The following SHANK1 variants were observed in gnomAD, a reference collection of about 807,000 sequenced individuals.
SHANK1 encodes SH3 and multiple ankyrin repeat domains 1.
A neutral mutation model predicts 165.6 loss-of-function variants in SHANK1; 35 were observed. The ratio of observed to expected loss-of-function variants is 0.21; its 90% CI spans 0.16 to 0.28. The LOEUF is 0.28. SHANK1 is among the 10% of genes least tolerant of loss of function. The pLI, the probability that SHANK1 is intolerant of heterozygous loss-of-function variation, is 1.00. For synonymous variants in SHANK1, 1,428 were observed against 1,384.8 expected (o/e 1.03, Z -0.69); for missense variants, 2,681 against 3,036.4 (o/e 0.88, Z 2.75).
chr19:50,687,142 G>A, intron 19 of SHANK1: 1 of 664,212 alleles, frequency 1.5e-6, no homozygotes, highest in Non-Finnish European at 2.4e-6. Context: ...GCCCCGGGGT[G>A]GGGGCGGTCA....
chr19:50,671,638 C>G (rs114452886), intron 22 of SHANK1, among the ~76,000 whole-genome samples: 1 of 151,936 alleles, frequency 6.6e-6, no homozygotes, highest in African/African-American at 2.4e-5. Context: ...CTGACGTATC[C>G]CCATTCTAGA....
chr19:50,686,455 C>G lies in SHANK1; in HGVS notation c.2459-100G>C. ...GAGCTGCCGCCCGCAGTTCATCCAG[C>G]ACCTGGATCAACCAGGAAAGGGCAG... On this transcript the variant is annotated intron_variant, in intron 20 of 23. Coordinates refer to ENST00000293441, the MANE Select transcript of SHANK1 (RefSeq NM_016148.5). This position sits in a 1 kb window ranked among gnomAD's most constrained non-coding sequence, Gnocchi z 5.7. The G allele has an allele frequency of 1.1e-6, 1 of 889,468 alleles. No individual in the cohort carries two copies. The highest frequency in any genetic ancestry group is 1.8e-6 in the Non-Finnish European group (1 of 566,804). The allele number at this position is 889,468 out of a possible 1,614,324, so 55.1% of individuals were successfully genotyped here.
intron 22 of SHANK1, among the ~76,000 whole-genome samples, chr19:50,671,277 G>T (rs1279989035): frequency 7.3e-6 from 1 of 136,812 alleles, no homozygotes; most frequent in Admixed American, 8.4e-5. Context: ...TCTGCCTTCC[G>T]GGTTCACGCC....
In SHANK1 at chr19:50,669,086, A is replaced by G. The variant is rs1985693390; in HGVS notation, c.2874T>C (p.Ser958=). The part of the protein sequence containing the change: ...SPRGGPFNPG[S]GGPLPASSPA... ...GGGAGGAGGCGGGGAGGGGGCCACCAGAGCCAGGGTTGAAGGGCCCTCCCC... is the reference window on the plus strand; with the variant it reads ...GGGAGGAGGCGGGGAGGGGGCCACCGGAGCCAGGGTTGAAGGGCCCTCCCC... The change falls in exon 23 of 24, where the codon TCT becomes TCC. Residue 958 remains serine, a synonymous_variant. Transcript: ENST00000293441. The G allele has an allele frequency of 7.4e-7, 1 of 1,347,234 alleles. No individual in the cohort carries two copies. The highest frequency in any genetic ancestry group is 2.7e-5 in the East Asian group (1 of 36,698). The allele number at this position is 1,347,234 out of a possible 1,614,324, so 83.5% of individuals were successfully genotyped here. A position where few individuals can be genotyped will look rare whatever the true frequency, so the allele number is the denominator to read the frequency against.
chr19:50,674,940 T>C (rs1474542280), intron 21 of SHANK1, among the ~76,000 whole-genome samples: 1 of 151,642 alleles, frequency 6.6e-6, no homozygotes. Context: ...CATGTACCTG[T>C]CATCCCAGCT....
intron 8 of SHANK1, among the ~76,000 whole-genome samples, chr19:50,709,857 T>G (rs551120628): frequency 6.6e-5 from 10 of 152,340 alleles, no homozygotes; most frequent in African/African-American, 2.4e-4. Flanking sequence ...GGTCTAATTC[T>G]CTATACCAAA....
chr19:50,687,073 G>A (rs889139482), intron 19 of SHANK1: 3 of 1,413,298 alleles, frequency 2.1e-6, no homozygotes, highest in Admixed American at 3.2e-5. Flanking sequence ...GAGGAGCCAA[G>A]AGTTAGGACG....
rs763736481 is a variant in SHANK1, at chr19:50,702,614, A to G, written c.1600T>C (p.Ser534Pro). The change falls in exon 12 of 24, where the codon TCA (serine) becomes CCA (proline). Residue 534 changes from serine (S) to proline (P), a missense_variant. This residue lies in a region of SHANK1 where 195 missense variants were observed against 186.2 expected (regional missense o/e 1.05). Transcript: ENST00000293441. This position sits in a 1 kb window ranked among gnomAD's most constrained non-coding sequence, Gnocchi z 5.3. ...REGPAGGTGGSGGPGGSLGSR... is the reference protein window; with the variant it reads ...REGPAGGTGGPGGPGGSLGSR... Reference sequence around the variant, plus strand: ...CCCAGGGAGCCCCCGGGGCCCCCTGAGCCCCCCGTGCCCCCGGCTGGCCCT... The same window carrying G: ...CCCAGGGAGCCCCCGGGGCCCCCTGGGCCCCCCGTGCCCCCGGCTGGCCCT... 36 of 1,590,738 alleles carry G rather than the reference A, an allele frequency of 2.3e-5. 1 individual carries two copies. In the South Asian group the frequency reaches 4.1e-4, roughly 18 times the overall value.
rs747297957 is a variant in SHANK1 at position 50,702,435 on chromosome 19, C to T, written c.1747+32G>A. On this transcript the variant is annotated intron_variant, in intron 12 of 23. Coordinates refer to ENST00000293441, the MANE Select transcript of SHANK1 (RefSeq NM_016148.5). This position sits in a 1 kb window ranked among gnomAD's most constrained non-coding sequence, Gnocchi z 5.3. ...TTCCCTGATCGCCCCCACAGCCCAG[C>T]CCAGCCCAGGCCCTGCTTCCACCCT... 2.5e-6 allele frequency: 4 copies of T among 1,581,264 alleles called. No homozygotes were observed. Among genetic ancestry groups the T allele is most frequent in the South Asian group, 1.2e-5 (1 of 86,746 alleles).
rs576130700 is a variant in SHANK1, at chr19:50,688,709, TG to T, written c.2172+134del. 16 of 767,106 alleles carry T rather than the reference TG, an allele frequency of 2.1e-5. No individual in the cohort carries two copies. The highest frequency in any genetic ancestry group is 3.0e-5 in the Non-Finnish European group (14 of 473,576). The allele number at this position is 767,106 out of a possible 1,614,324, so 47.5% of individuals were successfully genotyped here. A position where few individuals can be genotyped will look rare whatever the true frequency, so the allele number is the denominator to read the frequency against. On this transcript the variant is annotated intron_variant, in intron 17 of 23. Transcript: ENST00000293441. This position sits in a 1 kb window ranked among gnomAD's most constrained non-coding sequence, Gnocchi z 6.7. ...ATCGCTGGGGAAAGCAGAGGCTGGC[TG>T]GGGGGTGGGCAGGGGGCTGGGAATC...
At position 50,667,810 on chromosome 19, in the gene SHANK1, G is replaced by A; in HGVS notation, c.4150C>T (p.Arg1384Cys). 1 of 1,295,090 alleles carries A rather than the reference G, an allele frequency of 7.7e-7. No individual in the cohort carries two copies. The highest frequency in any genetic ancestry group is 9.7e-7 in the Non-Finnish European group (1 of 1,026,376). The allele number at this position is 1,295,090 out of a possible 1,614,324, so 80.2% of individuals were successfully genotyped here. Residue 1384 changes from arginine (R) to cysteine (C), a missense_variant, in exon 23 of 24, where the codon CGC becomes TGC. By Grantham distance (180) the Arg-to-Cys change is radical. This residue lies in a region of SHANK1 where 1,713 missense variants were observed against 1,630.2 expected (regional missense o/e 1.05). Coordinates refer to ENST00000293441, the MANE Select transcript of SHANK1 (RefSeq NM_016148.5). This position sits in a 1 kb window ranked among gnomAD's most constrained non-coding sequence, Gnocchi z 5.7. ...PQPPPRPPSP[R>C]YEAPPPTPHH... is the part of the protein sequence containing the mutation. ...GGGGTGGGCGGCGGGGCCTCGTAGCGGGGCGATGGGGGCCTGGGAGGCGGC... is the reference window on the plus strand; with the variant it reads ...GGGGTGGGCGGCGGGGCCTCGTAGCAGGGCGATGGGGGCCTGGGAGGCGGC...
Position 50,668,051 on chromosome 19 carries a change from A to G in SHANK1, c.3909T>C (p.Ser1303=). Residue 1303 remains serine (S), a synonymous_variant, in exon 23 of 24, where the codon TCT becomes TCC. Transcript: ENST00000293441. ...FSAEPYLRLE[S]AGSGAGYGGY... ...CGCCGTAGCCCGCGCCGCTGCCCGC[A>G]GACTCCAGTCGGAGGTAGGGCTCGG... 6.8e-7 allele frequency: 1 copy of G among 1,479,172 alleles called. No individual in the cohort carries two copies. Among genetic ancestry groups the G allele is most frequent in the Non-Finnish European group, 8.9e-7 (1 of 1,120,308 alleles). 91.6% of individuals were successfully genotyped at this position (1,479,172 alleles called of 1,614,324 possible).
intron 15 of SHANK1, 73 bp from the exon 16 acceptor site, chr19:50,689,352 C>A (rs769034304): frequency 1.7e-6 from 2 of 1,155,256 alleles, no homozygotes; most frequent in East Asian, 2.3e-5. Context: ...CAGAGGCTGT[C>A]CCCCACCCGG....
Position 50,666,811 on chromosome 19 carries a change from C to A in SHANK1, c.5149G>T (p.Gly1717Cys). 1.3e-6 allele frequency: 2 copies of A among 1,549,360 alleles called. No homozygotes were observed. Among genetic ancestry groups the A allele is most frequent in the South Asian group, 1.2e-5 (1 of 84,056 alleles). Residue 1717 changes from glycine (G) to cysteine (C), a missense_variant, in exon 23 of 24, where the codon GGT (glycine) becomes TGT (cysteine). Around this residue, in one of 10 missense-constraint regions of SHANK1, gnomAD observed 1,713 missense variants for 1,630.2 expected, o/e 1.05. Transcript: ENST00000293441. Reference sequence around the variant, plus strand: ...AGAAGCTCCGGCCCACTGGCCACACCGGCCCCAGCCCCGCCCCCACCCCCT... The same window carrying A: ...AGAAGCTCCGGCCCACTGGCCACACAGGCCCCAGCCCCGCCCCCACCCCCT... ...SAGGGGGAGA[G>C]VASGPELLDT...
At chr19:50,715,806 G>A (rs2089062758) in intron 3 of SHANK1, 76 bp from the exon 4 acceptor site, 2 of 1,387,532 alleles carry the variant, frequency 1.4e-6, no homozygotes, top group African/African-American at 1.4e-5. Context: ...CTTGGGGTAG[G>A]GGAAGGTCTG....
At chr19:50,663,228 G>T (rs1449332990) in intron 23 of SHANK1, 2 of 158,108 alleles carry the variant, frequency 1.3e-5, no homozygotes, top group Non-Finnish European at 2.8e-5. Flanking sequence ...CAGTGAGAGA[G>T]AGACAAAAAG....
intron 11 of SHANK1, 60 bp downstream of exon 11, chr19:50,703,440 C>A (rs1030499292): frequency 2.1e-6 from 3 of 1,424,562 alleles, no homozygotes; most frequent in South Asian, 1.3e-5. Context: ...GGGAAGCCGC[C>A]GATCTGGAGA....
chr19:50,687,539 C>T, intron 19 of SHANK1, 43 bp downstream of exon 19: 1 of 1,493,122 alleles, frequency 6.7e-7, no homozygotes, highest in Non-Finnish European at 9.0e-7. Flanking sequence ...CCTCCTTCCC[C>T]TCTCCCCCCG....
rs1333149136 is a variant in SHANK1 at position 50,686,109 on chromosome 19, G to A, written c.2577+128C>T. Reference sequence around the variant, plus strand: ...GGGAGAAAGGAGGAAACCCTAGGATGTGTGTCGCCCCTCCAGGACCAGCCT... The same window carrying A: ...GGGAGAAAGGAGGAAACCCTAGGATATGTGTCGCCCCTCCAGGACCAGCCT... On this transcript the variant is annotated intron_variant, in intron 21 of 23. Coordinates refer to ENST00000293441, the MANE Select transcript of SHANK1 (RefSeq NM_016148.5). The surrounding 1 kb of genome is among the most constrained non-coding windows in gnomAD (Gnocchi z 5.7). 2 of 485,462 alleles carry A rather than the reference G, an allele frequency of 4.1e-6. No homozygotes were observed. Among genetic ancestry groups the A allele is most frequent in the Non-Finnish European group, 7.3e-6 (2 of 272,154 alleles). 30.1% of individuals were successfully genotyped at this position (485,462 alleles called of 1,614,324 possible).
Sources: allele counts gnomAD v4.1 joint callset (sites outside exome capture counted in the v4.1 genomes callset), GRCh38; gene constraint gnomAD v4.1.1; regional missense constraint gnomAD v4.1.1; non-coding constraint Gnocchi (gnomAD v3.1); transcripts MANE v1.5; gene names NCBI Gene and HGNC (gene_info 2026-07-23, HGNC 2026-07-21).